The following HMCN1 variants were observed in gnomAD, a reference collection of about 807,000 sequenced individuals.
The protein encoded by HMCN1 is hemicentin 1.
In HMCN1, 321 loss-of-function variants were observed where a neutral mutation model predicts 625.9. The observed-to-expected ratio is 0.51, with a 90% CI of 0.47 to 0.56. The LOEUF is 0.56. Ranked by LOEUF, HMCN1 falls within the 20% of genes least tolerant of loss-of-function variation. HMCN1 has a pLI of 0.00. For missense variants in HMCN1, 6,588 were observed against 6,887.3 expected (o/e 0.96, Z 1.54); for synonymous variants, 2,425 against 2,417.6 (o/e 1.00, Z -0.09).
At chr1:185,808,059 A>G (rs2102239191) in intron 1 of HMCN1, among the ~76,000 whole-genome samples, 1 of 152,264 alleles carries the variant, frequency 6.6e-6, no homozygotes, top group East Asian at 1.9e-4. Flanking sequence ...CTGTCTCTAT[A>G]AAAAGTAAAA....
chr1:186,181,154 T>C (rs1378519103), intron 104 of HMCN1, among the ~76,000 whole-genome samples: 1 of 152,142 alleles, frequency 6.6e-6, no homozygotes, highest in African/African-American at 2.4e-5. Context: ...TCTGTTATTT[T>C]AGGTTAAAGC....
intron 1 of HMCN1, among the ~76,000 whole-genome samples, chr1:185,752,667 TCTCC>T (rs1282569532): frequency 6.6e-6 from 1 of 152,058 alleles, no homozygotes; most frequent in Non-Finnish European, 1.5e-5. Context: ...TGTCCAAATT[TCTCC>T]CTTTCAAAAA....
chr1:185,879,857 A>G (rs890426486), intron 4 of HMCN1, among the ~76,000 whole-genome samples: 4 of 152,190 alleles, frequency 2.6e-5, no homozygotes, highest in African/African-American at 9.6e-5. Context: ...TAGGCCATCT[A>G]TCTGAATGTG....
At chr1:186,140,896 T>C (rs1043016217) in intron 89 of HMCN1, among the ~76,000 whole-genome samples, 11 of 152,156 alleles carry the variant, frequency 7.2e-5, no homozygotes, top group African/African-American at 2.7e-4. Flanking sequence ...ACAATTTTTC[T>C]ACAGATCGAG....
chr1:186,126,177 A>G (rs1661633809), intron 82 of HMCN1, among the ~76,000 whole-genome samples: 1 of 152,060 alleles, frequency 6.6e-6, no homozygotes, highest in Non-Finnish European at 1.5e-5. Context: ...AAAATGTTAA[A>G]CTTTTTTAAA....
chr1:186,115,176 T>C, intron 74 of HMCN1, 82 bp from the exon 75 acceptor site: 1 of 1,533,778 alleles, frequency 6.5e-7, no homozygotes, highest in Non-Finnish European at 9.0e-7. Context: ...TAATAATGAC[T>C]AATTTCAGTT....
intron 68 of HMCN1, 36 bp downstream of exon 68, chr1:186,095,557 AAAGT>A (rs1660095563): frequency 6.3e-7 from 1 of 1,595,072 alleles, no homozygotes; most frequent in Non-Finnish European, 8.6e-7. Flanking sequence ...GAATAATTGG[AAAGT>A]AAGTGATAGT....
At chr1:185,762,467 A>G (rs905321375) in intron 1 of HMCN1, among the ~76,000 whole-genome samples, 2 of 152,128 alleles carry the variant, frequency 1.3e-5, no homozygotes, top group Non-Finnish European at 2.9e-5. Context: ...GGCTTGTGTT[A>G]TTTTAGCTTA....
At position 186,145,498 on chromosome 1, in the gene HMCN1, C is replaced by T; in HGVS notation, c.14362C>T (p.Pro4788Ser). 6.2e-7 allele frequency: 1 copy of T among 1,614,062 alleles called. No homozygotes were observed. The change falls in exon 92 of 107, where the codon CCT becomes TCT. Residue 4788 changes from proline to serine, a missense_variant. Coordinates refer to ENST00000271588, the MANE Select transcript of HMCN1 (RefSeq NM_031935.3). ...GCGGTACCGCACATGTGATAACCCTCCTCCCTCCAATGGGGGAAGAGCTTG... is the reference window on the plus strand; with the variant it reads ...GCGGTACCGCACATGTGATAACCCTTCTCCCTCCAATGGGGGAAGAGCTTG... The part of the protein sequence containing the change: ...MRRYRTCDNP[P>S]PSNGGRACGG...
chr1:186,119,423 A>T (rs1661290164), intron 78 of HMCN1, 125 bp downstream of exon 78: 1 of 806,522 alleles, frequency 1.2e-6, no homozygotes, highest in Non-Finnish European at 2.2e-6. Context: ...TGGGGATATG[A>T]AAGCCTGGTA....
At chr1:185,784,582 T>C (rs746564586) in intron 1 of HMCN1, among the ~76,000 whole-genome samples, 19 of 152,112 alleles carry the variant, frequency 1.2e-4, no homozygotes, top group Non-Finnish European at 2.1e-4. Flanking sequence ...TCATCTTAGC[T>C]TTCTTCCTAG....
chr1:186,052,440 G>A (rs572088678), intron 42 of HMCN1, among the ~76,000 whole-genome samples: 3 of 152,198 alleles, frequency 2.0e-5, no homozygotes, highest in Admixed American at 2.0e-4. Context: ...TAGGCCAGTA[G>A]AGAAGCAGAC....
chr1:185,893,300 T>C lies in HMCN1; in HGVS notation c.622-16037T>C, dbSNP rs183210128. ...GTTGCTCAGGCTGGGAGCTGTAGAC[T>C]GGAGCTGTTCCTATTCGGCCATCTT... On this transcript the variant is annotated intron_variant, in intron 4 of 106. Coordinates refer to ENST00000271588, the MANE Select transcript of HMCN1 (RefSeq NM_031935.3). Among the ~76,000 whole-genome samples the C allele has an allele frequency of 3.0e-4, 46 of 152,346 alleles. No individual in the cohort carries two copies. In the East Asian group the frequency reaches 8.5e-3, roughly 28 times the overall value.
chr1:185,818,545 G>A (rs756807022), intron 1 of HMCN1, among the ~76,000 whole-genome samples: 19 of 152,104 alleles, frequency 1.2e-4, no homozygotes, highest in Non-Finnish European at 2.4e-4. Context: ...TGTGAATTGA[G>A]TAGAACTGAA....
At chr1:185,935,593 A>G (rs2102499824) in intron 11 of HMCN1, among the ~76,000 whole-genome samples, 1 of 151,432 alleles carries the variant, frequency 6.6e-6, no homozygotes, top group Middle Eastern at 3.4e-3. Flanking sequence ...CAAAACATAA[A>G]TATAAAAAAA....
intron 100 of HMCN1, among the ~76,000 whole-genome samples, chr1:186,167,982 T>G (rs1651982199): frequency 6.6e-6 from 1 of 151,930 alleles, no homozygotes; most frequent in Non-Finnish European, 1.5e-5. Flanking sequence ...ACTGAATGTC[T>G]ATCAATAAAT....
At chr1:186,062,700 CA>C (rs1657791741) in intron 48 of HMCN1, 100 bp downstream of exon 48, 2 of 770,798 alleles carry the variant, frequency 2.6e-6, no homozygotes, top group Non-Finnish European at 4.6e-6. Context: ...TTAGGGGGTA[CA>C]AGTGCGGTTT....
chr1:186,043,975 G>A (rs1656379987), intron 40 of HMCN1, among the ~76,000 whole-genome samples: 1 of 152,096 alleles, frequency 6.6e-6, no homozygotes, highest in Non-Finnish European at 1.5e-5. Context: ...CAGCTACCTG[G>A]GAGGCTGAGA....
chr1:185,988,936 C>G lies in HMCN1; in HGVS notation c.3049-552C>G, dbSNP rs183002765. Among the ~76,000 whole-genome samples the G allele has an allele frequency of 1.3e-3, 195 of 151,792 alleles. 1 individual carries two copies. The highest frequency in any genetic ancestry group is 2.4e-3 in the Non-Finnish European group (166 of 67,984). On this transcript the variant is annotated intron_variant, in intron 20 of 106. Coordinates refer to ENST00000271588, the MANE Select transcript of HMCN1 (RefSeq NM_031935.3). ...CTGTACCATCCTTATCATTGCTGTT[C>G]TCTGCCTTCTTAAGTAGCTCTGGAA...
Sources: gnomAD v4.1 joint callset for allele counts (sites outside exome capture counted in the v4.1 genomes callset) on GRCh38, gnomAD v4.1.1 for gene constraint, MANE v1.5 for transcripts, NCBI Gene and HGNC (gene_info 2026-07-23, HGNC 2026-07-21) for gene names.